Variants in IQSEC1 observed in about 807,000 individuals in gnomAD.
IQSEC1 encodes IQ motif and Sec7 domain ArfGEF 1, also known as IQ motif and SEC7 domain-containing protein 1.
In IQSEC1, 31 loss-of-function variants were observed where a neutral mutation model predicts 91.0. The observed-to-expected ratio is 0.34, with a 90% CI of 0.26 to 0.46. The LOEUF (loss-of-function observed/expected upper bound fraction) is 0.46, where lower values mean the gene tolerates loss of function less well. IQSEC1 is among the 20% of genes least tolerant of loss of function. The pLI is 1.00. For missense variants in IQSEC1, 1,388 were observed against 1,575.6 expected (o/e 0.88, Z 2.02); for synonymous variants, 699 against 662.6 (o/e 1.05, Z -0.84).
At chr3:13,044,233 C>T (rs1294321999) in intron 1 of IQSEC1, among the ~76,000 whole-genome samples, 1 of 152,212 alleles carries the variant, frequency 6.6e-6, no homozygotes, top group Non-Finnish European at 1.5e-5. Context: ...CCCCCAGGGA[C>T]ATCTGGTAAT....
intron 1 of IQSEC1, among the ~76,000 whole-genome samples, chr3:13,232,484 G>C (rs755218062): frequency 2.0e-5 from 3 of 152,184 alleles, no homozygotes; most frequent in Non-Finnish European, 1.5e-5. Context: ...TTCCCAGCAA[G>C]GCAGGGAGGT....
Position 13,024,577 on chromosome 3 carries a change from C to T in IQSEC1, c.23+48415G>A, listed in dbSNP as rs140270102. On this transcript the variant is annotated intron_variant, in intron 1 of 13. Coordinates refer to ENST00000613206, the MANE Select transcript of IQSEC1 (RefSeq NM_001134382.3). ...GCAAATGAGCCTTAATTCATCCATC[C>T]ATCCACCCATCCACCCACCCATCCA... Among the ~76,000 whole-genome samples the T allele has an allele frequency of 2.4e-4, 36 of 151,916 alleles. No individual in the cohort carries two copies. In the East Asian group the frequency reaches 6.2e-3, roughly 26 times the overall value.
chr3:13,135,715 A>G (rs1706695714), intron 2 of IQSEC1, among the ~76,000 whole-genome samples: 1 of 152,120 alleles, frequency 6.6e-6, no homozygotes, highest in African/African-American at 2.4e-5. Flanking sequence ...ACTGGAGGGG[A>G]CGAGCCAGGG....
At chr3:13,035,574 C>A (rs1480342676) in intron 1 of IQSEC1, among the ~76,000 whole-genome samples, 1 of 152,214 alleles carries the variant, frequency 6.6e-6, no homozygotes, top group African/African-American at 2.4e-5. Flanking sequence ...TGTCCCTACA[C>A]CTGTTAGGTC....
intron 1 of IQSEC1, among the ~76,000 whole-genome samples, chr3:13,230,293 T>A (rs971372570): frequency 2.8e-5 from 3 of 108,896 alleles, no homozygotes; most frequent in Admixed American, 2.7e-4. Flanking sequence ...GTAAGGTGGA[T>A]GCCTATGATT....
At position 13,103,021 on chromosome 3, in the gene IQSEC1, C is replaced by G. The variant is rs565713665; in HGVS notation, c.303-55499G>C. Among the ~76,000 whole-genome samples the G allele has an allele frequency of 7.2e-5, 11 of 152,232 alleles. No individual in the cohort carries two copies. In the South Asian group the frequency reaches 2.3e-3, roughly 32 times the overall value. ...CTCAGATCAGGTGCTTGGTGCCCCC[C>G]TACCTCAACCTGTGGGCTGGATGTC... On this transcript the variant is annotated intron_variant, in intron 2 of 15. Coordinates refer to the IQSEC1 transcript ENST00000648114. This position sits in a 1 kb window ranked among gnomAD's most constrained non-coding sequence, Gnocchi z 4.1.
intron 1 of IQSEC1, chr3:12,987,092 C>A (rs907192531): frequency 5.6e-6 from 2 of 357,200 alleles, no homozygotes; most frequent in Non-Finnish European, 1.1e-5. Context: ...TCTGGTGCTG[C>A]GGCCAGTGCG....
intron 2 of IQSEC1, among the ~76,000 whole-genome samples, chr3:13,134,627 T>C (rs1706676998): frequency 1.3e-5 from 2 of 152,220 alleles, no homozygotes; most frequent in Admixed American, 1.3e-4. Context: ...TTGTCAACAA[T>C]ACCTTGACTT....
chr3:13,242,053 G>C (rs11923570), intron 1 of IQSEC1, among the ~76,000 whole-genome samples: 5 of 152,162 alleles, frequency 3.3e-5, no homozygotes, highest in African/African-American at 1.2e-4. Flanking sequence ...ATATATATTT[G>C]TCTTTTGATA....
intron 2 of IQSEC1, among the ~76,000 whole-genome samples, chr3:13,101,906 G>T (rs949078488): frequency 7.0e-6 from 1 of 142,982 alleles, no homozygotes; most frequent in African/African-American, 2.5e-5. Context: ...AGGATTTCAC[G>T]AGTTAAGTGC....
At chr3:12,930,450 C>G (rs931970004) in intron 3 of IQSEC1, among the ~76,000 whole-genome samples, 1 of 152,236 alleles carries the variant, frequency 6.6e-6, no homozygotes, top group Non-Finnish European at 1.5e-5. Flanking sequence ...ATTCTACTCT[C>G]TGCTCCAGGC....
At chr3:13,236,645 G>A (rs1411059976) in intron 1 of IQSEC1, among the ~76,000 whole-genome samples, 1 of 152,196 alleles carries the variant, frequency 6.6e-6, no homozygotes, top group Non-Finnish European at 1.5e-5. Context: ...GACACCCCCT[G>A]CAGAGGTGGA....
intron 1 of IQSEC1, among the ~76,000 whole-genome samples, chr3:12,966,995 C>T (rs1227554999): frequency 6.6e-6 from 1 of 152,120 alleles, no homozygotes; most frequent in Non-Finnish European, 1.5e-5. Context: ...TCTCCGCTCT[C>T]CCTCCTGCCC....
chr3:12,968,927 T>C lies in IQSEC1; in HGVS notation c.24-27062A>G, dbSNP rs145093153. ...AGGAAGGGGGCTGAGGTGGCCCAGC[T>C]TGCAGCAGAGGAGGGCAGCCCCTAA... On this transcript the variant is annotated intron_variant, in intron 1 of 13. Transcript: ENST00000613206. Among the ~76,000 whole-genome samples, 940 of 152,314 alleles carry C rather than the reference T, an allele frequency of 6.2e-3. 12 individuals carry two copies. Among genetic ancestry groups the C allele is most frequent in the African/African-American group, 0.022 (902 of 41,566 alleles).
intron 1 of IQSEC1, among the ~76,000 whole-genome samples, chr3:12,971,493 G>A (rs1700892498): frequency 6.6e-6 from 1 of 152,156 alleles, no homozygotes; most frequent in Non-Finnish European, 1.5e-5. Flanking sequence ...CCCATCAATG[G>A]AGTCCCATGT....
chr3:13,165,535 G>GT (rs1693473529), intron 1 of IQSEC1, among the ~76,000 whole-genome samples: 1 of 89,046 alleles, frequency 1.1e-5, no homozygotes, highest in Non-Finnish European at 2.1e-5. Context: ...GTGGGGGGGT[G>GT]GCGTGTGTGT....
intron 1 of IQSEC1, among the ~76,000 whole-genome samples, chr3:13,222,187 C>G (rs77922023): frequency 0.18 from 25,768 of 146,736 alleles, 3,104 homozygotes; most frequent in African/African-American, 0.32. Flanking sequence ...TTTCTGTCTC[C>G]GTGAATGTGA....
intron 1 of IQSEC1, among the ~76,000 whole-genome samples, chr3:13,005,479 T>A (rs1702596882): frequency 6.6e-6 from 1 of 152,088 alleles, no homozygotes; most frequent in African/African-American, 2.4e-5. Flanking sequence ...TCAGGAGTCC[T>A]GGGCAGTCAG....
chr3:13,112,846 A>G (rs1706271987), intron 2 of IQSEC1, among the ~76,000 whole-genome samples: 1 of 152,236 alleles, frequency 6.6e-6, no homozygotes. Context: ...CCACGAGTGG[A>G]AGCCACCACT....
Sources: gnomAD v4.1 joint callset for allele counts (sites outside exome capture counted in the v4.1 genomes callset) on GRCh38, gnomAD v4.1.1 for gene constraint, Gnocchi (gnomAD v3.1) non-coding constraint, MANE v1.5 for transcripts, NCBI Gene and HGNC (gene_info 2026-07-23, HGNC 2026-07-21) for gene names.